The following SYT1 variants were observed in gnomAD, a reference collection of about 807,000 sequenced individuals.
The protein encoded by SYT1 is synaptotagmin-1.
In SYT1, 8 loss-of-function variants were observed where a neutral mutation model predicts 44.8. That is an observed-to-expected ratio of 0.18 (90% confidence interval 0.10 to 0.32). The LOEUF is 0.32. Ranked by LOEUF, SYT1 falls within the 10% of genes least tolerant of loss-of-function variation. SYT1 has a pLI of 1.00. For synonymous variants in SYT1, 154 were observed against 188.8 expected, an observed-to-expected ratio of 0.82 and a Z score of 1.51; for missense variants, 286 against 509.3, an observed-to-expected ratio of 0.56 and a Z score of 4.22.
chr12:79,420,759 T>C (rs968885482), intron 9 of SYT1, among the ~76,000 whole-genome samples: 2 of 152,156 alleles, frequency 1.3e-5, no homozygotes, highest in Admixed American at 1.3e-4. Context: ...ACTATGCTTA[T>C]GTAAATGGGA....
chr12:79,140,677 G>T (rs1183673640), intron 3 of SYT1, among the ~76,000 whole-genome samples: 1 of 152,080 alleles, frequency 6.6e-6, no homozygotes, highest in Non-Finnish European at 1.5e-5. Flanking sequence ...CTTTGGGTAT[G>T]GGGCCTAGGA....
At chr12:79,444,043 C>T in intron 9 of SYT1, 30 bp from the exon 10 acceptor site, 2 of 1,610,354 alleles carry the variant, frequency 1.2e-6, no homozygotes, top group Non-Finnish European at 8.5e-7. Flanking sequence ...TCTCTGATCT[C>T]CTAAAGTTTG....
intron 2 of SYT1, among the ~76,000 whole-genome samples, chr12:78,989,369 T>C (rs1869865899): frequency 6.6e-6 from 1 of 152,122 alleles, no homozygotes; most frequent in Non-Finnish European, 1.5e-5. Flanking sequence ...GTTATGTCAC[T>C]TTATTATATC....
chr12:78,974,580 C>G (rs915255450), intron 1 of SYT1, among the ~76,000 whole-genome samples: 4 of 151,708 alleles, frequency 2.6e-5, no homozygotes, highest in African/African-American at 4.8e-5. Context: ...GGGACTACAG[C>G]CACCCGCCAC....
At chr12:79,342,791 T>C (rs1882437262) in intron 8 of SYT1, among the ~76,000 whole-genome samples, 1 of 152,190 alleles carries the variant, frequency 6.6e-6, no homozygotes, top group African/African-American at 2.4e-5. Context: ...TGAAATCGAG[T>C]GAACCAGATT....
At chr12:79,117,860 C>T (rs1879387734) in intron 3 of SYT1, among the ~76,000 whole-genome samples, 1 of 151,110 alleles carries the variant, frequency 6.6e-6, no homozygotes, top group African/African-American at 2.4e-5. Flanking sequence ...TTATATAATT[C>T]TTAGGGTAAC....
At chr12:79,125,998 A>G (rs1386636381) in intron 3 of SYT1, among the ~76,000 whole-genome samples, 2 of 152,196 alleles carry the variant, frequency 1.3e-5, no homozygotes, top group Non-Finnish European at 2.9e-5. Context: ...AGTAAGCTCC[A>G]TGAGACCATG....
intron 1 of SYT1, among the ~76,000 whole-genome samples, chr12:78,894,861 G>A (rs906120221): frequency 6.6e-6 from 1 of 151,558 alleles, no homozygotes; most frequent in African/African-American, 2.4e-5. Context: ...TGATGACTGT[G>A]GTTAATAGCA....
rs144253545 is a variant in SYT1 at position 79,262,172 on chromosome 12, T to G, written c.167-23615T>G. On this transcript the variant is annotated intron_variant, in intron 4 of 10. Coordinates refer to ENST00000261205, the MANE Select transcript of SYT1 (RefSeq NM_005639.3). The stretch of plus-strand genomic sequence containing the variant: ...GTATATTGATTATAATTCTGGTCAG[T>G]TGTAGTTAACAAGCCTTTTTTTTCC... Among the ~76,000 whole-genome samples, 410 of 152,342 alleles carry G rather than the reference T, an allele frequency of 2.7e-3. 2 individuals are homozygous for G. In the East Asian group the frequency reaches 0.028, roughly 10 times the overall value.
intron 1 of SYT1, among the ~76,000 whole-genome samples, chr12:78,881,421 T>A (rs1427247327): frequency 6.6e-6 from 1 of 151,690 alleles, no homozygotes; most frequent in African/African-American, 2.4e-5. Flanking sequence ...GCCACCCCCT[T>A]TTGGTTTTGA....
chr12:79,127,656 C>T (rs1868523370), intron 3 of SYT1, among the ~76,000 whole-genome samples: 1 of 152,196 alleles, frequency 6.6e-6, no homozygotes, highest in Non-Finnish European at 1.5e-5. Flanking sequence ...AGCAGTTCAA[C>T]ATGTCTGTTG....
chr12:79,124,089 A>C (rs1868331510), intron 3 of SYT1, among the ~76,000 whole-genome samples: 1 of 152,228 alleles, frequency 6.6e-6, no homozygotes, highest in Admixed American at 6.5e-5. Context: ...GAAATAAGCC[A>C]CATTAAAATT....
intron 3 of SYT1, among the ~76,000 whole-genome samples, chr12:79,052,420 C>T (rs972840076): frequency 4.6e-4 from 70 of 152,156 alleles, no homozygotes; most frequent in Non-Finnish European, 8.4e-4. Context: ...AAAACCTAGA[C>T]GATACCATTC....
At chr12:79,108,463 T>C (rs944012306) in intron 3 of SYT1, among the ~76,000 whole-genome samples, 2 of 152,034 alleles carry the variant, frequency 1.3e-5, no homozygotes, top group African/African-American at 4.8e-5. Flanking sequence ...AAAAACATTT[T>C]AAAAATAGAG....
chr12:78,931,240 AAGGAAGGAAGG>A (rs1384788915), intron 1 of SYT1, among the ~76,000 whole-genome samples: 9 of 30,020 alleles, frequency 3.0e-4, no homozygotes, highest in South Asian at 1.9e-3. Flanking sequence ...AGAAAGAAAG[AAGGAAGGAAGG>A]AAGGAAGGAA....
intron 3 of SYT1, among the ~76,000 whole-genome samples, chr12:79,196,067 T>C (rs906272598): frequency 6.6e-6 from 1 of 152,182 alleles, no homozygotes; most frequent in East Asian, 1.9e-4. Flanking sequence ...AACAGACATC[T>C]CTTGCCCAGC....
At chr12:79,072,335 A>G (rs979265372) in intron 3 of SYT1, among the ~76,000 whole-genome samples, 1 of 151,768 alleles carries the variant, frequency 6.6e-6, no homozygotes. Flanking sequence ...AGAGATGAGG[A>G]GGAGTATTAA....
rs80317902 is a variant in SYT1, at chr12:79,366,655, C to A, written c.928+13036C>A. On this transcript the variant is annotated intron_variant, in intron 9 of 10. Coordinates refer to ENST00000261205, the MANE Select transcript of SYT1 (RefSeq NM_005639.3). Reference sequence around the variant, plus strand: ...GCAACTGGCCCTGGAAAGCCTGGATCGGAAGCCTTTAACCTTTCTGATCCT... The same window carrying A: ...GCAACTGGCCCTGGAAAGCCTGGATAGGAAGCCTTTAACCTTTCTGATCCT... Among the ~76,000 whole-genome samples the A allele has an allele frequency of 8.0e-3, 1,223 of 152,320 alleles. 9 individuals are homozygous for A. The highest frequency in any genetic ancestry group is 0.022 in the African/African-American group (916 of 41,572).
chr12:79,362,273 G>A (rs879300662), intron 9 of SYT1, among the ~76,000 whole-genome samples: 5 of 152,160 alleles, frequency 3.3e-5, no homozygotes, highest in Admixed American at 2.6e-4. Context: ...TGTGGTAGAT[G>A]TGCTTCATTT....
Sources: gnomAD v4.1 joint callset for allele counts (sites outside exome capture counted in the v4.1 genomes callset) on GRCh38, gnomAD v4.1.1 for gene constraint, MANE v1.5 for transcripts, NCBI Gene and HGNC (gene_info 2026-07-23, HGNC 2026-07-21) for gene names.